PPP4R3A: variants seen among roughly 807,000 people sequenced by gnomAD.
PPP4R3A encodes serine/threonine-protein phosphatase 4 regulatory subunit 3A.
A neutral mutation model predicts 91.7 loss-of-function variants in PPP4R3A; 15 were observed. The observed-to-expected ratio is 0.16, with a 90% CI of 0.11 to 0.25. The LOEUF is 0.25. Among genes scored for constraint, PPP4R3A ranks in the 10% least tolerant of loss-of-function variants. The pLI, the probability that PPP4R3A is intolerant of heterozygous loss-of-function variation, is 1.00. For missense variants in PPP4R3A, 623 were observed against 998.4 expected (o/e 0.62, Z 5.07); for synonymous variants, 377 against 348.7 (o/e 1.08, Z -0.91).
intron 4 of PPP4R3A, among the ~76,000 whole-genome samples, chr14:91,480,529 T>G (rs1409874089): frequency 1.3e-5 from 2 of 152,242 alleles, no homozygotes; most frequent in Non-Finnish European, 2.9e-5. Context: ...TATCATTATC[T>G]GGGAATTTTA....
intron 1 of PPP4R3A, among the ~76,000 whole-genome samples, chr14:91,494,985 A>AT (rs1890452522): frequency 2.0e-5 from 3 of 152,170 alleles, no homozygotes; most frequent in Admixed American, 2.0e-4. Flanking sequence ...AGCTTCATAC[A>AT]TTGCTTCTGG....
In PPP4R3A at chr14:91,470,922, G is replaced by A; in HGVS notation, c.1575C>T (p.Tyr525=). 1.9e-6 allele frequency: 3 copies of A among 1,612,178 alleles called. No individual in the cohort carries two copies. The highest frequency in any genetic ancestry group is 2.5e-6 in the Non-Finnish European group (3 of 1,179,678). ...TATTAATAATGTAGTTCTTTATGTG[G>A]TAGGTATGGTGCTCCACACAAAATG... The part of the protein sequence containing the change: ...LLTFCVEHHT[Y]HIKNYIINKD... The change falls in exon 10 of 15, where the codon TAC becomes TAT. Residue 525 remains tyrosine, a synonymous_variant. Coordinates refer to ENST00000554943, the MANE Select transcript of PPP4R3A (RefSeq NM_001366432.2).
At position 91,465,387 on chromosome 14, in the gene PPP4R3A, A is replaced by C; in HGVS notation, c.1693T>G (p.Leu565Val). Residue 565 changes from leucine (L) to valine (V), a missense_variant, in exon 11 of 15, where the codon TTA (leucine) becomes GTA (valine). Transcript: ENST00000554943. ...TAGCGGTTGTAAAACTCATCTTTTA[A>C]TCCAATAATCTTTCTTTTAAAACGA... is the stretch of plus-strand genomic sequence containing the variant. ...ALRFKRKIIGLKDEFYNRYIM... is the reference protein window; with the variant it reads ...ALRFKRKIIGVKDEFYNRYIM... The C allele has an allele frequency of 6.3e-7, 1 of 1,596,850 alleles. No homozygotes were observed. Among genetic ancestry groups the C allele is most frequent in the South Asian group, 1.1e-5 (1 of 87,302 alleles).
At chr14:91,460,410 C>A (rs919352780) in intron 14 of PPP4R3A, among the ~76,000 whole-genome samples, 1 of 151,740 alleles carries the variant, frequency 6.6e-6, no homozygotes, top group East Asian at 1.9e-4. Flanking sequence ...ACTTCTTAGC[C>A]GTCAGGAGTC....
At chr14:91,468,809 C>T (rs1275458764) in intron 10 of PPP4R3A, among the ~76,000 whole-genome samples, 1 of 150,120 alleles carries the variant, frequency 6.7e-6, no homozygotes, top group Non-Finnish European at 1.5e-5. Context: ...ATGACCAAGA[C>T]ACAACTCAAG....
chr14:91,500,358 G>A (rs1890870045), intron 1 of PPP4R3A, among the ~76,000 whole-genome samples: 1 of 152,020 alleles, frequency 6.6e-6, no homozygotes, highest in East Asian at 1.9e-4. Context: ...ACACCACCAC[G>A]CCCAGCTAAT....
chr14:91,508,654 G>A (rs1475941272), intron 1 of PPP4R3A, among the ~76,000 whole-genome samples: 4 of 151,896 alleles, frequency 2.6e-5, no homozygotes, highest in African/African-American at 9.7e-5. Flanking sequence ...AGCACATGTG[G>A]AAAAAAGAAA....
intron 1 of PPP4R3A, among the ~76,000 whole-genome samples, chr14:91,498,815 G>A (rs1217281896): frequency 6.6e-6 from 1 of 151,424 alleles, no homozygotes; most frequent in African/African-American, 2.4e-5. Context: ...TCGGGAGGCT[G>A]AGGCAGGAGA....
upstream of PPP4R3A, chr14:91,510,464 G>C (rs1891738524): frequency 1.3e-5 from 2 of 152,374 alleles, no homozygotes; most frequent in Admixed American, 1.3e-4. Flanking sequence ...GCAGGGAGCG[G>C]AGGAGGCGGG....
Position 91,462,201 on chromosome 14 carries a change from T to A in PPP4R3A, c.2012A>T (p.Asp671Val), listed in dbSNP as rs1370102345. Residue 671 changes from aspartate to valine, a missense_variant, in exon 13 of 15, where the codon GAT (aspartate) becomes GTT (valine). Asp to Val is a radical substitution (Grantham distance 152, BLOSUM62 -3). Around this residue, in one of 5 missense-constraint regions of PPP4R3A, gnomAD observed 201 missense variants for 229.9 expected, o/e 0.87. Transcript: ENST00000554943. The part of the protein sequence containing the change: ...SILRNHRYRR[D>V]ARTLEDEEEM... ...TTCTTCATCTTCTAGTGTTCTGGCA[T>A]CTCTTCGATATCTGTGATTCCTCAA... The A allele has an allele frequency of 6.3e-7, 1 of 1,597,756 alleles. No homozygotes were observed. Among genetic ancestry groups the A allele is most frequent in the Non-Finnish European group, 8.5e-7 (1 of 1,175,168 alleles).
chr14:91,481,064 G>A (rs1889524342), intron 4 of PPP4R3A, among the ~76,000 whole-genome samples: 1 of 151,850 alleles, frequency 6.6e-6, no homozygotes, highest in Non-Finnish European at 1.5e-5. Context: ...TGGGCCCAGT[G>A]GCTCACACCT....
intron 1 of PPP4R3A, among the ~76,000 whole-genome samples, chr14:91,493,667 C>T (rs1890367168): frequency 6.6e-6 from 1 of 150,528 alleles, no homozygotes; most frequent in African/African-American, 2.5e-5. Context: ...AAATCTCCAA[C>T]TATCTTTGTA....
At chr14:91,461,937 T>TA in intron 13 of PPP4R3A, 112 bp downstream of exon 13, 1 of 1,405,824 alleles carries the variant, frequency 7.1e-7, no homozygotes, top group Non-Finnish European at 9.2e-7. Context: ...ATAGAGTCTT[T>TA]AAACCGTATG....
intron 10 of PPP4R3A, among the ~76,000 whole-genome samples, chr14:91,466,694 G>A (rs1296298778): frequency 1.3e-5 from 2 of 152,058 alleles, no homozygotes; most frequent in Non-Finnish European, 2.9e-5. Context: ...GCATCTTTCT[G>A]TGTGATAAGT....
chr14:91,476,504 A>G lies in PPP4R3A; in HGVS notation c.1014T>C (p.Phe338=). The change falls in exon 6 of 15, where the codon TTT becomes TTC. Residue 338 remains phenylalanine, a synonymous_variant. Coordinates refer to ENST00000554943, the MANE Select transcript of PPP4R3A (RefSeq NM_001366432.2). ...GCTGTAGCGTTTGGGAAAACGCACA[A>G]AATTCTTTTAAAAAGTTAACCTGAA... ...RQELVNFLKE[F]CAFSQTLQPQ... The G allele has an allele frequency of 6.3e-7, 1 of 1,593,432 alleles. No homozygotes were observed. Among genetic ancestry groups the G allele is most frequent in the Non-Finnish European group, 8.5e-7 (1 of 1,173,946 alleles).
intron 1 of PPP4R3A, 40 bp downstream of exon 1, chr14:91,509,466 T>C: frequency 6.4e-7 from 1 of 1,552,380 alleles, no homozygotes; most frequent in Non-Finnish European, 8.7e-7. Context: ...CCCAGGGCCG[T>C]GGGGGCTGCG....
chr14:91,509,599 G>C lies in PPP4R3A; in HGVS notation c.49C>G (p.Arg17Gly). ...RVKVYTLNED[R>G]QWDDRGTGHV... Reference sequence around the variant, plus strand: ...CCGGTGCCCCGGTCGTCCCACTGCCGGTCCTCGTTGAGCGTGTACACCTTC... The same window carrying C: ...CCGGTGCCCCGGTCGTCCCACTGCCCGTCCTCGTTGAGCGTGTACACCTTC... The change falls in exon 1 of 15, where the codon CGG becomes GGG. Residue 17 changes from arginine to glycine, a missense_variant. Physicochemically the swap from Arg to Gly is moderately radical, Grantham distance 125. This residue lies in a region of PPP4R3A where 51 missense variants were observed against 81.8 expected (regional missense o/e 0.62). Coordinates refer to ENST00000554943, the MANE Select transcript of PPP4R3A (RefSeq NM_001366432.2). 6.2e-7 allele frequency: 1 copy of C among 1,603,156 alleles called. No homozygotes were observed. Among genetic ancestry groups the C allele is most frequent in the Non-Finnish European group, 8.5e-7 (1 of 1,179,386 alleles).
chr14:91,507,186 T>A (rs1051789355), intron 1 of PPP4R3A, among the ~76,000 whole-genome samples: 2 of 151,362 alleles, frequency 1.3e-5, no homozygotes, highest in East Asian at 3.9e-4. Flanking sequence ...CCAGGCATAG[T>A]GGCACATGCC....
At chr14:91,509,306 A>G (rs979625010) in intron 1 of PPP4R3A, among the ~76,000 whole-genome samples, 200 bp downstream of exon 1, 13 of 152,300 alleles carry the variant, frequency 8.5e-5, no homozygotes, top group African/African-American at 3.1e-4. Context: ...CCAGGCACTC[A>G]GAGAAAGGAA....
Sources: allele counts gnomAD v4.1 joint callset (sites outside exome capture counted in the v4.1 genomes callset), GRCh38; gene constraint gnomAD v4.1.1; regional missense constraint gnomAD v4.1.1; transcripts MANE v1.5; gene names NCBI Gene and HGNC (gene_info 2026-07-23, HGNC 2026-07-21).